Variants in GPR158 observed in about 807,000 individuals in gnomAD.
The protein encoded by GPR158 is G protein-coupled receptor 158, also known as metabotropic glycine receptor.
Under a neutral mutation model 78.2 loss-of-function variants are expected in GPR158, and 30 were observed. That is an observed-to-expected ratio of 0.38 (90% CI 0.29 to 0.52). The LOEUF (loss-of-function observed/expected upper bound fraction) is 0.52, where lower values mean the gene tolerates loss of function less well. Among genes scored for constraint, GPR158 ranks in the 20% least tolerant of loss-of-function variants. The pLI, the probability that GPR158 is intolerant of heterozygous loss-of-function variation, is 0.83. For missense variants in GPR158, 1,463 were observed against 1,523.5 expected, an observed-to-expected ratio of 0.96 and a Z score of 0.66; for synonymous variants, 581 against 591.1, an observed-to-expected ratio of 0.98 and a Z score of 0.25.
chr10:25,272,381 G>C (rs1243659304), intron 2 of GPR158, among the ~76,000 whole-genome samples: 1 of 152,116 alleles, frequency 6.6e-6, no homozygotes. Context: ...AGTATAATGT[G>C]CTCACTTCTC....
At chr10:25,390,586 G>A (rs899896111) in intron 2 of GPR158, among the ~76,000 whole-genome samples, 3 of 152,202 alleles carry the variant, frequency 2.0e-5, no homozygotes, top group Non-Finnish European at 4.4e-5. Flanking sequence ...AAGCAGCAAG[G>A]TGATCAAGAG....
intron 6 of GPR158, among the ~76,000 whole-genome samples, chr10:25,552,599 A>T (rs879480619): frequency 6.6e-6 from 1 of 152,168 alleles, no homozygotes; most frequent in Non-Finnish European, 1.5e-5. Flanking sequence ...TTATACCATT[A>T]TTGAATCCCC....
Position 25,521,203 on chromosome 10 carries a change from A to G in GPR158, c.1405-29773A>G, listed in dbSNP as rs186952217. On this transcript the variant is annotated intron_variant, in intron 5 of 10. Coordinates refer to ENST00000376351, the MANE Select transcript of GPR158 (RefSeq NM_020752.3). ...CCCCTTGCGCTTCCCAGGTGAGGCA[A>G]TGCCTCGCCCTGCTTCGGCTCGCGC... Among the ~76,000 whole-genome samples the G allele has an allele frequency of 0.013, 2,038 of 152,278 alleles. 126 individuals carry two copies. The East Asian group carries it at 0.14, about 11-fold the overall frequency.
chr10:25,419,166 A>G (rs902815200), intron 4 of GPR158, among the ~76,000 whole-genome samples: 3 of 152,104 alleles, frequency 2.0e-5, no homozygotes, highest in Non-Finnish European at 4.4e-5. Context: ...CCATTTTTCT[A>G]TCCCTTGGTA....
At chr10:25,553,994 G>T (rs1836757227) in intron 6 of GPR158, among the ~76,000 whole-genome samples, 1 of 152,108 alleles carries the variant, frequency 6.6e-6, no homozygotes, top group African/African-American at 2.4e-5. Context: ...AAACAAAATG[G>T]GTTATGGCTG....
chr10:25,418,311 G>T (rs1588853296), intron 4 of GPR158, among the ~76,000 whole-genome samples: 1 of 152,024 alleles, frequency 6.6e-6, no homozygotes, highest in Admixed American at 6.6e-5. Flanking sequence ...ATGAAATATT[G>T]GTTTAACATT....
At chr10:25,311,556 T>C (rs2130463235) in intron 2 of GPR158, among the ~76,000 whole-genome samples, 1 of 152,124 alleles carries the variant, frequency 6.6e-6, no homozygotes, top group East Asian at 1.9e-4. Context: ...TTTAATTTGC[T>C]TCATCACAGA....
chr10:25,304,983 C>G lies in GPR158; in HGVS notation c.1008+83826C>G, dbSNP rs538497683. 1.3e-4 allele frequency among the ~76,000 whole-genome samples: 20 copies of G among 152,296 alleles called. No homozygotes were observed. In the South Asian group the frequency reaches 1.5e-3, roughly 11 times the overall value. Reference sequence around the variant, plus strand: ...GAGACATTCTGCCTTTCTATAGCCCCTGACTCTTAGCTCTTCAAAGATCTT... The same window carrying G: ...GAGACATTCTGCCTTTCTATAGCCCGTGACTCTTAGCTCTTCAAAGATCTT... On this transcript the variant is annotated intron_variant, in intron 2 of 10. Coordinates refer to ENST00000376351, the MANE Select transcript of GPR158 (RefSeq NM_020752.3).
At position 25,274,392 on chromosome 10, in the gene GPR158, C is replaced by T. The variant is rs1384516858; in HGVS notation, c.1008+53235C>T. On this transcript the variant is annotated intron_variant, in intron 2 of 10. Coordinates refer to ENST00000376351, the MANE Select transcript of GPR158 (RefSeq NM_020752.3). ...TCAAATAGAAATAATATAAAAAGAA[C>T]ATAAAAGTGTTCTATTGAAGAGATA... Among the ~76,000 whole-genome samples the T allele has an allele frequency of 2.0e-5, 3 of 152,076 alleles. No individual in the cohort carries two copies. In the East Asian group the frequency reaches 5.8e-4, roughly 29 times the overall value.
chr10:25,548,190 G>A (rs1836688082), intron 5 of GPR158, among the ~76,000 whole-genome samples: 1 of 152,106 alleles, frequency 6.6e-6, no homozygotes, highest in Admixed American at 6.6e-5. Flanking sequence ...TAGTTTGTAA[G>A]CACACAGAAT....
intron 1 of GPR158, among the ~76,000 whole-genome samples, chr10:25,181,226 A>T (rs1033473731): frequency 2.6e-5 from 4 of 152,214 alleles, no homozygotes; most frequent in Admixed American, 6.5e-5. Flanking sequence ...TTTCAGATGA[A>T]CTTCTGCTGT....
intron 2 of GPR158, among the ~76,000 whole-genome samples, chr10:25,308,713 T>C (rs1854719929): frequency 6.6e-6 from 1 of 152,174 alleles, no homozygotes; most frequent in East Asian, 1.9e-4. Flanking sequence ...ATAACTCCTT[T>C]TTCTTCCCCT....
At chr10:25,185,511 T>TA (rs1328392465) in intron 1 of GPR158, among the ~76,000 whole-genome samples, 1 of 152,164 alleles carries the variant, frequency 6.6e-6, no homozygotes, top group Non-Finnish European at 1.5e-5. Flanking sequence ...AGGTTTCCCA[T>TA]AAAAAGATGA....
At chr10:25,213,321 TATTTG>T (rs1393904581) in intron 1 of GPR158, among the ~76,000 whole-genome samples, 12 of 152,206 alleles carry the variant, frequency 7.9e-5, no homozygotes, top group African/African-American at 2.7e-4. Context: ...AGTTTCCTTC[TATTTG>T]TAGTTTGCCA....
At chr10:25,528,557 A>G (rs926499847) in intron 5 of GPR158, among the ~76,000 whole-genome samples, 3 of 152,140 alleles carry the variant, frequency 2.0e-5, no homozygotes, top group Admixed American at 2.0e-4. Context: ...AAAGCACTAA[A>G]TACATACAAG....
At chr10:25,200,872 T>C (rs540366595) in intron 1 of GPR158, among the ~76,000 whole-genome samples, 5 of 148,514 alleles carry the variant, frequency 3.4e-5, no homozygotes, top group Non-Finnish European at 7.4e-5. Flanking sequence ...TGTTTTGTTT[T>C]TTTTTTTTTT....
chr10:25,228,036 G>A (rs1426543407), intron 2 of GPR158, among the ~76,000 whole-genome samples: 1 of 152,070 alleles, frequency 6.6e-6, no homozygotes, highest in African/African-American at 2.4e-5. Context: ...ATACTTCTTT[G>A]TTCTACCTGT....
At chr10:25,303,121 G>C (rs1854623432) in intron 2 of GPR158, among the ~76,000 whole-genome samples, 1 of 152,154 alleles carries the variant, frequency 6.6e-6, no homozygotes, top group African/African-American at 2.4e-5. Context: ...GTCAAAGCTG[G>C]CTACTGTGAA....
intron 4 of GPR158, among the ~76,000 whole-genome samples, chr10:25,430,285 T>C (rs1268372051): frequency 3.6e-4 from 54 of 150,610 alleles, no homozygotes; most frequent in African/African-American, 1.1e-3. Flanking sequence ...AATAAAATAC[T>C]TAGGAATCCA....
Sources: allele counts gnomAD v4.1 joint callset (sites outside exome capture counted in the v4.1 genomes callset), GRCh38; gene constraint gnomAD v4.1.1; transcripts MANE v1.5; gene names NCBI Gene and HGNC (gene_info 2026-07-23, HGNC 2026-07-21).